The following ACACA variants were observed in gnomAD, a reference collection of about 807,000 sequenced individuals.
ACACA encodes the protein acetyl-CoA carboxylase alpha, also known as acetyl-CoA carboxylase 1.
In ACACA, 103 loss-of-function variants were observed where a neutral mutation model predicts 296.1. That is an observed-to-expected ratio of 0.35 (90% CI 0.30 to 0.41). The LOEUF (loss-of-function observed/expected upper bound fraction) is 0.41. Ranked by LOEUF, ACACA falls within the 10% of genes least tolerant of loss-of-function variation. The pLI is 1.00. For missense variants in ACACA, 1,554 were observed against 2,989.7 expected (o/e 0.52, Z 11.20); for synonymous variants, 953 against 1,038.6 (o/e 0.92, Z 1.58).
intron 29 of ACACA, among the ~76,000 whole-genome samples, chr17:37,220,117 T>C (rs773795969): frequency 5.3e-5 from 8 of 152,198 alleles, no homozygotes; most frequent in African/African-American, 1.9e-4. Context: ...GGGACTGGCA[T>C]ATAAGTTTTG....
At chr17:37,381,923 G>C (rs766885301) in intron 1 of ACACA, among the ~76,000 whole-genome samples, 1 of 151,936 alleles carries the variant, frequency 6.6e-6, no homozygotes, top group Non-Finnish European at 1.5e-5. Context: ...CACTGCACCC[G>C]GCCATGTCTC....
At chr17:37,250,842 G>A (rs796588905) in intron 16 of ACACA, among the ~76,000 whole-genome samples, 4 of 151,862 alleles carry the variant, frequency 2.6e-5, no homozygotes, top group African/African-American at 4.8e-5. Flanking sequence ...TGGCTAACAC[G>A]GTGAAACCCT....
chr17:37,112,525 A>G (rs2074032306), intron 51 of ACACA, among the ~76,000 whole-genome samples: 1 of 152,222 alleles, frequency 6.6e-6, no homozygotes, highest in Non-Finnish European at 1.5e-5. Context: ...TCCAAAGTCT[A>G]TAGAGGAATT....
intron 45 of ACACA, among the ~76,000 whole-genome samples, chr17:37,140,449 C>T (rs1156579472): frequency 6.6e-6 from 1 of 152,098 alleles, no homozygotes; most frequent in Non-Finnish European, 1.5e-5. Context: ...CAGCCTAAAA[C>T]AGTTCCCTGG....
At chr17:37,381,364 T>G (rs1330563232) in intron 1 of ACACA, among the ~76,000 whole-genome samples, 1 of 151,846 alleles carries the variant, frequency 6.6e-6, no homozygotes, top group African/African-American at 2.4e-5. Flanking sequence ...TTCTGTATTT[T>G]TAGTAGAGAC....
At chr17:37,321,771 TA>T (rs199932271) in intron 3 of ACACA, among the ~76,000 whole-genome samples, 6 of 143,834 alleles carry the variant, frequency 4.2e-5, no homozygotes, top group South Asian at 2.2e-4. Context: ...AATAAATAAT[TA>T]AAAAAAAATA....
chr17:37,167,210 T>C (rs541445523), intron 41 of ACACA, among the ~76,000 whole-genome samples: 5 of 147,646 alleles, frequency 3.4e-5, no homozygotes, highest in Non-Finnish European at 7.4e-5. Flanking sequence ...TCCGCCCGCC[T>C]TGGCCTCCCA....
chr17:37,193,023 T>A (rs1302333541), intron 36 of ACACA, among the ~76,000 whole-genome samples: 2 of 152,182 alleles, frequency 1.3e-5, no homozygotes, highest in African/African-American at 4.8e-5. Context: ...TTTTGTATTT[T>A]AAAATTGAAA....
chr17:37,139,056 G>A (rs1460835911), intron 45 of ACACA, among the ~76,000 whole-genome samples: 1 of 152,212 alleles, frequency 6.6e-6, no homozygotes, highest in South Asian at 2.1e-4. Flanking sequence ...CTGAAGAGAG[G>A]AGAGGGGTTG....
intron 50 of ACACA, among the ~76,000 whole-genome samples, chr17:37,120,241 C>T (rs1186872553): frequency 3.3e-5 from 5 of 150,762 alleles, no homozygotes; most frequent in African/African-American, 1.2e-4. Flanking sequence ...TTCTACTCCT[C>T]CCTCCTTCCC....
chr17:37,332,957 T>C (rs1400882572), intron 2 of ACACA, among the ~76,000 whole-genome samples: 1 of 151,984 alleles, frequency 6.6e-6, no homozygotes, highest in Non-Finnish European at 1.5e-5. Flanking sequence ...GTGGACCTTT[T>C]AGAGGTTCCC....
chr17:37,121,497 G>A lies in ACACA; in HGVS notation c.6139-7C>T. Reference sequence around the variant, plus strand: ...GGCCAGCCTGCTGGATTATCTATTAGGAAAAGTCAAAGAAGACACAATTAA... The same window carrying A: ...GGCCAGCCTGCTGGATTATCTATTAAGAAAAGTCAAAGAAGACACAATTAA... On this transcript the variant is annotated splice_polypyrimidine_tract_variant and splice_region_variant and intron_variant, in intron 49 of 55. Transcript: ENST00000616317. 6.2e-7 allele frequency: 1 copy of A among 1,614,052 alleles called. No homozygotes were observed. The highest frequency in any genetic ancestry group is 8.5e-7 in the Non-Finnish European group (1 of 1,180,006).
intron 45 of ACACA, among the ~76,000 whole-genome samples, chr17:37,136,942 C>CAAA (rs769799822): frequency 8.5e-6 from 1 of 117,290 alleles, no homozygotes. Context: ...GACTCCGTCT[C>CAAA]AAAAAAAAAA....
chr17:37,279,681 G>T (rs2082424485), intron 5 of ACACA, among the ~76,000 whole-genome samples: 1 of 151,474 alleles, frequency 6.6e-6, no homozygotes, highest in Admixed American at 6.6e-5. Flanking sequence ...CCTGGTGGTG[G>T]GCACCTGTAA....
At chr17:37,102,199 C>CTTTTTTTTTTTTTTTTTTTTT (rs35050543) in intron 52 of ACACA, among the ~76,000 whole-genome samples, 1 of 106,092 alleles carries the variant, frequency 9.4e-6, no homozygotes, top group Non-Finnish European at 1.8e-5. Context: ...GCATCCAGCT[C>CTTTTTTTTTTTTTTTTTTTTT]TTTTTTTTTT....
chr17:37,388,706 G>A (rs1417733892), intron 1 of ACACA: 4 of 1,612,070 alleles, frequency 2.5e-6, no homozygotes, highest in Admixed American at 3.3e-5. Context: ...CAGAAATGGA[G>A]TATTGTGGTC....
chr17:37,248,647 A>T lies in ACACA; in HGVS notation c.2109T>A (p.Leu703=), dbSNP rs774604546. 2.5e-6 allele frequency: 4 copies of T among 1,611,544 alleles called. No individual in the cohort carries two copies. Among genetic ancestry groups the T allele is most frequent in the South Asian group, 1.1e-5 (1 of 90,904 alleles). Residue 703 remains leucine, a synonymous_variant, in exon 17 of 56, where the codon CTT becomes CTA. Coordinates refer to ENST00000616317, the MANE Select transcript of ACACA (RefSeq NM_198834.3). The part of the protein sequence containing the change: ...ERGQVLPAHT[L]LNTVDVELIY... ...TAAGTTCAACATCTACTGTATTCAGAAGTGTATGAGCAGGAAGGACTTGAC... is the reference window on the plus strand; with the variant it reads ...TAAGTTCAACATCTACTGTATTCAGTAGTGTATGAGCAGGAAGGACTTGAC...
chr17:37,176,237 G>A (rs192217369), intron 41 of ACACA, among the ~76,000 whole-genome samples: 1 of 152,254 alleles, frequency 6.6e-6, no homozygotes, highest in Non-Finnish European at 1.5e-5. Context: ...TTACATCCAT[G>A]TGCTAGTTTT....
chr17:37,283,638 C>T (rs1198506221), intron 4 of ACACA, among the ~76,000 whole-genome samples: 2 of 152,182 alleles, frequency 1.3e-5, no homozygotes, highest in Non-Finnish European at 2.9e-5. Flanking sequence ...AAACATACTC[C>T]TTTCTAACTT....
Sources: gnomAD v4.1 joint callset for allele counts (sites outside exome capture counted in the v4.1 genomes callset) on GRCh38, gnomAD v4.1.1 for gene constraint, MANE v1.5 for transcripts, NCBI Gene and HGNC (gene_info 2026-07-23, HGNC 2026-07-21) for gene names.